The following COL21A1 variants were observed in gnomAD, a reference collection of about 807,000 sequenced individuals.
The protein encoded by COL21A1 is collagen alpha-1(XXI) chain.
Under a neutral mutation model 137.9 loss-of-function variants are expected in COL21A1, and 149 were observed. That is an observed-to-expected ratio of 1.08 (90% CI 0.95 to 1.24). COL21A1 has a LOEUF of 1.24. Among genes scored for constraint, COL21A1 ranks in the 50% most tolerant of loss-of-function variants. The pLI, the probability that COL21A1 is intolerant of heterozygous loss-of-function variation, is 0.00. For missense variants in COL21A1, 1,167 were observed against 1,158.4 expected (o/e 1.01, Z -0.11); for synonymous variants, 456 against 391.5 (o/e 1.16, Z -1.95).
intron 1 of COL21A1, among the ~76,000 whole-genome samples, chr6:56,332,938 A>C (rs1765263836): frequency 6.6e-6 from 1 of 151,976 alleles, no homozygotes; most frequent in South Asian, 2.1e-4. Flanking sequence ...TGGACATATT[A>C]CTCAATATTT....
chr6:56,241,042 A>C (rs544360003), intron 1 of COL21A1, among the ~76,000 whole-genome samples: 1 of 152,234 alleles, frequency 6.6e-6, no homozygotes, highest in Non-Finnish European at 1.5e-5. Context: ...TAGGCACCCA[A>C]GTAGGAGCTC....
intron 1 of COL21A1, among the ~76,000 whole-genome samples, chr6:56,200,584 G>A (rs1262688509): frequency 6.6e-6 from 1 of 151,434 alleles, no homozygotes; most frequent in Non-Finnish European, 1.5e-5. Flanking sequence ...ATAGTTTGCT[G>A]AGAATGATGG....
intron 1 of COL21A1, among the ~76,000 whole-genome samples, chr6:56,310,422 G>C (rs1764582355): frequency 6.6e-6 from 1 of 152,124 alleles, no homozygotes; most frequent in Admixed American, 6.5e-5. Flanking sequence ...AAGAGTTTGA[G>C]TATCAGTATT....
rs764944455 is a variant in COL21A1 at position 56,274,374 on chromosome 6, AG to A, written c.-38-91719del. On this transcript the variant is annotated intron_variant, in intron 1 of 28. Coordinates refer to the COL21A1 transcript ENST00000370819. ...ACTGGAAGTCCTAACTAGAGCAATA[AG>A]GCAATAGAAAGAAATAAAAGGCATC... Among the ~76,000 whole-genome samples, 8 of 152,338 alleles carry A rather than the reference AG, an allele frequency of 5.3e-5. No homozygotes were observed. In the South Asian group the frequency reaches 1.7e-3, roughly 32 times the overall value.
At chr6:56,103,736 A>C (rs1770646675) in intron 16 of COL21A1, among the ~76,000 whole-genome samples, 1 of 152,212 alleles carries the variant, frequency 6.6e-6, no homozygotes, top group Non-Finnish European at 1.5e-5. Context: ...ACTGAATAAA[A>C]TATCACATTC....
chr6:56,269,019 A>G (rs1405237853), intron 1 of COL21A1, among the ~76,000 whole-genome samples: 1 of 152,246 alleles, frequency 6.6e-6, no homozygotes, highest in Non-Finnish European at 1.5e-5. Flanking sequence ...TGAGGAAAGA[A>G]TCTGAGCTCA....
chr6:56,182,782 A>G (rs1415503070), intron 1 of COL21A1, 126 bp from the exon 2 acceptor site: 7 of 567,572 alleles, frequency 1.2e-5, no homozygotes, highest in Non-Finnish European at 2.2e-5. Context: ...GAATTAACTT[A>G]AATCTGTTTA....
chr6:56,227,938 G>A (rs1357601101), intron 1 of COL21A1, among the ~76,000 whole-genome samples: 1 of 151,870 alleles, frequency 6.6e-6, no homozygotes, highest in Non-Finnish European at 1.5e-5. Flanking sequence ...AGGCAAACCA[G>A]GGATTTGCTA....
intron 1 of COL21A1, among the ~76,000 whole-genome samples, chr6:56,205,682 G>A (rs753429134): frequency 1.8e-4 from 27 of 152,098 alleles, no homozygotes; most frequent in African/African-American, 2.9e-4. Context: ...ACACATAATC[G>A]TCACATTCAC....
intron 25 of COL21A1, among the ~76,000 whole-genome samples, chr6:56,061,401 A>C (rs1765786913): frequency 6.6e-6 from 1 of 152,216 alleles, no homozygotes; most frequent in Admixed American, 6.5e-5. Context: ...TTATTCAAAA[A>C]TATGGAGAAA....
chr6:56,097,409 T>G (rs1769432849), intron 17 of COL21A1, among the ~76,000 whole-genome samples: 2 of 152,112 alleles, frequency 1.3e-5, no homozygotes, highest in South Asian at 4.1e-4. Context: ...AGTTTTTGCT[T>G]GCTTATCCTT....
intron 1 of COL21A1, among the ~76,000 whole-genome samples, chr6:56,203,628 G>T (rs1230072531): frequency 6.6e-6 from 1 of 152,188 alleles, no homozygotes; most frequent in Non-Finnish European, 1.5e-5. Context: ...AATTTGAAAG[G>T]CTTCCATTGA....
intron 10 of COL21A1, among the ~76,000 whole-genome samples, chr6:56,142,652 G>T (rs1474339954): frequency 6.6e-6 from 1 of 152,176 alleles, no homozygotes; most frequent in Non-Finnish European, 1.5e-5. Flanking sequence ...TGTTGGTTTA[G>T]CACATGGCAG....
rs748784345 is a variant in COL21A1 at position 56,093,567 on chromosome 6, T to G, written c.1812+7905A>C. On this transcript the variant is annotated intron_variant, in intron 17 of 29. Coordinates refer to ENST00000244728, the MANE Select transcript of COL21A1 (RefSeq NM_030820.4). ...CAATGTTGAATCCAGCAGAAAAAATTCCATCAGATTTCATGACCTAGGAAT... is the reference window on the plus strand; with the variant it reads ...CAATGTTGAATCCAGCAGAAAAAATGCCATCAGATTTCATGACCTAGGAAT... 2.0e-4 allele frequency among the ~76,000 whole-genome samples: 30 copies of G among 152,074 alleles called. 1 individual carries two copies. Among genetic ancestry groups the G allele is most frequent in the Non-Finnish European group, 5.9e-5 (4 of 68,008 alleles).
intron 1 of COL21A1, among the ~76,000 whole-genome samples, chr6:56,366,484 A>C (rs1392848053): frequency 6.7e-6 from 1 of 150,060 alleles, no homozygotes; most frequent in Admixed American, 6.7e-5. Flanking sequence ...TATGTTTTTT[A>C]GAATGCAGAA....
intron 17 of COL21A1, among the ~76,000 whole-genome samples, chr6:56,084,384 T>C (rs1049081484): frequency 6.6e-6 from 1 of 151,910 alleles, no homozygotes; most frequent in African/African-American, 2.4e-5. Flanking sequence ...TTTAAAAAAA[T>C]TGTGTATGTT....
At chr6:56,299,563 T>C (rs1764234542) in intron 1 of COL21A1, among the ~76,000 whole-genome samples, 1 of 152,106 alleles carries the variant, frequency 6.6e-6, no homozygotes, top group Non-Finnish European at 1.5e-5. Context: ...AGAAAAGTCA[T>C]TTATAATCAC....
upstream of COL21A1, among the ~76,000 whole-genome samples, chr6:56,251,665 G>A (rs1782858265): frequency 6.6e-6 from 1 of 152,182 alleles, no homozygotes; most frequent in South Asian, 2.1e-4. Flanking sequence ...ACTAGCCCCT[G>A]TCCTCCCTCA....
At chr6:56,126,442 C>G in intron 12 of COL21A1, 2 of 293,348 alleles carry the variant, frequency 6.8e-6, no homozygotes, top group South Asian at 8.6e-5. Flanking sequence ...TTTACAGGGG[C>G]AAGACACATG....
Sources: allele counts gnomAD v4.1 joint callset (sites outside exome capture counted in the v4.1 genomes callset), GRCh38; gene constraint gnomAD v4.1.1; transcripts MANE v1.5; gene names NCBI Gene and HGNC (gene_info 2026-07-23, HGNC 2026-07-21).